Variants in USP10 observed in about 807,000 individuals in gnomAD.
USP10 encodes the protein ubiquitin carboxyl-terminal hydrolase 10.
In USP10, 22 loss-of-function variants were observed where a neutral mutation model predicts 84.5. The observed-to-expected ratio is 0.26, with a 90% CI of 0.19 to 0.37. USP10 has a LOEUF of 0.37. USP10 is among the 10% of genes least tolerant of loss of function. The pLI, the probability that USP10 is intolerant of heterozygous loss-of-function variation, is 1.00. For missense variants in USP10, 1,019 were observed against 998.9 expected (o/e 1.02, Z -0.27); for synonymous variants, 454 against 387.6 (o/e 1.17, Z -2.01).
chr16:84,742,715 G>A (rs114692598), intron 3 of USP10, among the ~76,000 whole-genome samples: 2,237 of 152,302 alleles, frequency 0.015, 47 homozygotes, highest in African/African-American at 0.046. Context: ...GCGGTGCAAG[G>A]CACATGGCGT....
chr16:84,755,687 A>T (rs1369321736), intron 4 of USP10, among the ~76,000 whole-genome samples: 1 of 151,744 alleles, frequency 6.6e-6, no homozygotes, highest in East Asian at 1.9e-4. Context: ...AGTCCCAGCT[A>T]CTCGGGAGGC....
At chr16:84,776,322 G>GGGGTGAGGGCCCA (rs11271599) in intron 13 of USP10, among the ~76,000 whole-genome samples, 126,174 of 150,936 alleles carry the variant, frequency 0.84, 52,852 homozygotes, top group African/African-American at 0.88. Context: ...TGGGGGCCCA[G>GGGGTGAGGGCCCA]GGGTGAGGGC....
intron 1 of USP10, among the ~76,000 whole-genome samples, chr16:84,732,236 G>C (rs1330327849): frequency 6.6e-6 from 1 of 151,988 alleles, no homozygotes; most frequent in Non-Finnish European, 1.5e-5. Context: ...GGTTATTTTT[G>C]AATCACTTGG....
At position 84,744,821 on chromosome 16, in the gene USP10, G is replaced by A. The variant is rs574275066; in HGVS notation, c.340G>A (p.Asp114Asn). 1.7e-5 allele frequency: 28 copies of A among 1,613,638 alleles called. No individual in the cohort carries two copies. In the East Asian group the frequency reaches 2.9e-4, roughly 17 times the overall value. ...ITKEASYGSI[D>N]CQYPGSALAL... ...TAAAGAAGCAAGCTATGGCTCCATC[G>A]ACTGCCAGTACCCAGGCTCTGCCCT... Residue 114 changes from aspartate to asparagine, a missense_variant, in exon 4 of 14, where the codon GAC becomes AAC. By Grantham distance (23) the Asp-to-Asn change is conservative. Transcript: ENST00000219473.
chr16:84,709,766 T>C (rs35705630), intron 1 of USP10, among the ~76,000 whole-genome samples: 51,402 of 151,928 alleles, frequency 0.34, 9,193 homozygotes, highest in Admixed American at 0.44. Context: ...CTGGAGTTTT[T>C]CAGGCAGAGA....
chr16:84,745,095 C>T lies in USP10; in HGVS notation c.614C>T (p.Thr205Met), dbSNP rs372065559. Residue 205 changes from threonine (T) to methionine (M), a missense_variant, in exon 4 of 14, where the codon ACG becomes ATG. Physicochemically the swap from Thr to Met is moderately conservative, Grantham distance 81. Coordinates refer to ENST00000219473, the MANE Select transcript of USP10 (RefSeq NM_005153.3). ...EFMGDMPPSV[T>M]PRTCNSPQNS... ...ATGGGTGACATGCCCCCGTCAGTTA[C>T]GCCCAGGACTTGTAACAGCCCCCAG... 34 of 1,613,642 alleles carry T rather than the reference C, an allele frequency of 2.1e-5. No individual in the cohort carries two copies. Among genetic ancestry groups the T allele is most frequent in the Non-Finnish European group, 2.5e-5 (30 of 1,179,646 alleles).
At chr16:84,750,674 A>T (rs1911825286) in intron 4 of USP10, among the ~76,000 whole-genome samples, 1 of 152,236 alleles carries the variant, frequency 6.6e-6, no homozygotes, top group Non-Finnish European at 1.5e-5. Context: ...TTCACATCAC[A>T]AATAGAGCCA....
At chr16:84,708,380 G>T (rs1242112571) in intron 1 of USP10, among the ~76,000 whole-genome samples, 8 of 152,144 alleles carry the variant, frequency 5.3e-5, no homozygotes, top group Admixed American at 4.6e-4. Context: ...AACCCGTGGG[G>T]GCAGAGGTTG....
intron 3 of USP10, among the ~76,000 whole-genome samples, chr16:84,743,491 C>G (rs570429490): frequency 6.6e-6 from 1 of 152,236 alleles, no homozygotes; most frequent in South Asian, 2.1e-4. Context: ...AAAATATATT[C>G]AGTTCTCCGC....
intron 11 of USP10, among the ~76,000 whole-genome samples, chr16:84,771,198 C>G (rs1049249296): frequency 2.0e-5 from 3 of 152,216 alleles, no homozygotes; most frequent in African/African-American, 7.2e-5. Context: ...CAGCATTCAT[C>G]AGACCTGTGA....
intron 1 of USP10, among the ~76,000 whole-genome samples, chr16:84,706,526 A>G (rs1465274185): frequency 6.8e-6 from 1 of 147,786 alleles, no homozygotes; most frequent in East Asian, 1.9e-4. Context: ...ATATTTTTAT[A>G]TTTATATATA....
intron 1 of USP10, among the ~76,000 whole-genome samples, chr16:84,727,378 G>A (rs1418539266): frequency 6.6e-6 from 1 of 151,984 alleles, no homozygotes; most frequent in African/African-American, 2.4e-5. Context: ...TTCCAGAGGA[G>A]AGAAAACACT....
At chr16:84,750,465 G>C (rs1005060205) in intron 4 of USP10, among the ~76,000 whole-genome samples, 10 of 151,684 alleles carry the variant, frequency 6.6e-5, no homozygotes, top group African/African-American at 2.2e-4. Context: ...TGCAAAACGC[G>C]ACACCCTTGT....
intron 1 of USP10, among the ~76,000 whole-genome samples, chr16:84,723,825 A>G (rs1908116584): frequency 6.6e-6 from 1 of 152,248 alleles, no homozygotes; most frequent in African/African-American, 2.4e-5. Context: ...CACCTCCACA[A>G]TCAAGACACC....
At chr16:84,763,749 C>T (rs376681864) in intron 9 of USP10, among the ~76,000 whole-genome samples, 3 of 151,258 alleles carry the variant, frequency 2.0e-5, no homozygotes, top group African/African-American at 4.9e-5. Flanking sequence ...AGTGGCATTG[C>T]GCCTGTTGTG....
intron 1 of USP10, among the ~76,000 whole-genome samples, chr16:84,729,613 A>T (rs959536347): frequency 2.6e-5 from 4 of 152,194 alleles, no homozygotes; most frequent in Non-Finnish European, 5.9e-5. Context: ...ATGCTCTTAA[A>T]CCCTTGGCAC....
At chr16:84,722,670 T>G (rs1292310945) in intron 1 of USP10, among the ~76,000 whole-genome samples, 1 of 152,086 alleles carries the variant, frequency 6.6e-6, no homozygotes, top group East Asian at 1.9e-4. Context: ...TAAGCAGTTC[T>G]CCTGCTAGCC....
At chr16:84,754,740 G>GA (rs909704113) in intron 4 of USP10, among the ~76,000 whole-genome samples, 1 of 152,130 alleles carries the variant, frequency 6.6e-6, no homozygotes, top group Non-Finnish European at 1.5e-5. Flanking sequence ...TAAATGCTGG[G>GA]AAAAAAGTCG....
At chr16:84,767,423 G>C (rs1007088275) in intron 10 of USP10, among the ~76,000 whole-genome samples, 12 of 152,090 alleles carry the variant, frequency 7.9e-5, no homozygotes, top group African/African-American at 2.9e-4. Context: ...TTTTTTCCTG[G>C]AATGTTAACT....
Sources: allele counts gnomAD v4.1 joint callset (sites outside exome capture counted in the v4.1 genomes callset), GRCh38; gene constraint gnomAD v4.1.1; transcripts MANE v1.5; gene names NCBI Gene and HGNC (gene_info 2026-07-23, HGNC 2026-07-21).